The following VRK1 variants were observed in gnomAD, a reference collection of about 807,000 sequenced individuals.
VRK1 encodes serine/threonine-protein kinase VRK1.
A neutral mutation model predicts 57.1 loss-of-function variants in VRK1; 33 were observed. The observed-to-expected ratio is 0.58, with a 90% CI of 0.44 to 0.77. The LOEUF (loss-of-function observed/expected upper bound fraction) is 0.77, where lower values mean the gene tolerates loss of function less well. Among genes scored for constraint, VRK1 ranks in the 30% least tolerant of loss-of-function variants. VRK1 has a pLI of 0.00. For missense variants in VRK1, 413 were observed against 477.3 expected, an observed-to-expected ratio of 0.87 and a Z score of 1.25; for synonymous variants, 137 against 147.8, an observed-to-expected ratio of 0.93 and a Z score of 0.53.
chr14:96,872,106 C>G (rs529051016), intron 11 of VRK1, among the ~76,000 whole-genome samples: 46 of 152,268 alleles, frequency 3.0e-4, no homozygotes, highest in African/African-American at 1.1e-3. Context: ...CGCCGGGCCT[C>G]TAGCAGGATA....
Position 96,821,637 on chromosome 14 carries a change from A to G in VRK1, c.-5-11830A>G, listed in dbSNP as rs542514606. ...TTTCTGCCTTGCCCCCTTACAGTCT[A>G]TTCTTGATGCGTCAACCAGAGTGAT... On this transcript the variant is annotated intron_variant, in intron 1 of 12. Transcript: ENST00000216639. Among the ~76,000 whole-genome samples, 5 of 152,292 alleles carry G rather than the reference A, an allele frequency of 3.3e-5. No individual in the cohort carries two copies. In the East Asian group the frequency reaches 9.6e-4, roughly 29 times the overall value.
intron 12 of VRK1, among the ~76,000 whole-genome samples, chr14:96,879,935 A>AT (rs1044577113): frequency 4.0e-5 from 6 of 151,834 alleles, no homozygotes; most frequent in East Asian, 3.9e-4. Context: ...TCAAAAAAAA[A>AT]AATAATAATA....
intron 5 of VRK1, among the ~76,000 whole-genome samples, chr14:96,852,540 C>A (rs971382452): frequency 6.6e-6 from 1 of 151,930 alleles, no homozygotes; most frequent in Admixed American, 6.6e-5. Context: ...TTATTTTTAC[C>A]GTGAATAAAC....
At position 96,853,111 on chromosome 14, in the gene VRK1, T is replaced by C; in HGVS notation, c.521T>C (p.Val174Ala). ...GAATATATTCACGAGCATGAGTATG[T>C]GCATGGAGATATCAAGGCCTCAAAT... is the stretch of plus-strand genomic sequence containing the variant. Reference protein sequence around the residue: ...ILEYIHEHEYVHGDIKASNLL... With the variant: ...ILEYIHEHEYAHGDIKASNLL... Residue 174 changes from valine (V) to alanine (A), a missense_variant, in exon 7 of 13, where the codon GTG becomes GCG. Transcript: ENST00000216639. The C allele has an allele frequency of 6.2e-7, 1 of 1,613,880 alleles. No homozygotes were observed. The highest frequency in any genetic ancestry group is 1.1e-5 in the South Asian group (1 of 91,084).
At chr14:96,860,967 G>A (rs1332209435) in intron 11 of VRK1, 1 of 355,120 alleles carries the variant, frequency 2.8e-6, no homozygotes, top group East Asian at 5.2e-5. Context: ...TTTTAACTTG[G>A]AATACTGATA....
At chr14:96,802,003 A>G (rs902029542) in intron 1 of VRK1, among the ~76,000 whole-genome samples, 3 of 152,190 alleles carry the variant, frequency 2.0e-5, no homozygotes, top group African/African-American at 7.2e-5. Context: ...CTTAGAGGTA[A>G]TCTGTTATTT....
At chr14:96,865,197 T>C (rs1226217163) in intron 11 of VRK1, among the ~76,000 whole-genome samples, 1 of 152,216 alleles carries the variant, frequency 6.6e-6, no homozygotes, top group Non-Finnish European at 1.5e-5. Context: ...ATCTTATCCA[T>C]CACATTTAAG....
intron 11 of VRK1, among the ~76,000 whole-genome samples, chr14:96,861,524 T>A (rs1888388721): frequency 6.6e-6 from 1 of 152,202 alleles, no homozygotes; most frequent in Non-Finnish European, 1.5e-5. Flanking sequence ...TCATTAACTT[T>A]GCAAATTCTA....
chr14:96,872,768 CA>C (rs1888873956), intron 11 of VRK1, among the ~76,000 whole-genome samples: 1 of 152,136 alleles, frequency 6.6e-6, no homozygotes, highest in Non-Finnish European at 1.5e-5. Flanking sequence ...AATATTGTGG[CA>C]TAATAACATG....
At chr14:96,878,022 A>G (rs1889111839) in intron 12 of VRK1, among the ~76,000 whole-genome samples, 1 of 152,182 alleles carries the variant, frequency 6.6e-6, no homozygotes, top group African/African-American at 2.4e-5. Context: ...ACTTTTTCAG[A>G]AGATAAAGAA....
rs548906192 is a variant in VRK1, at chr14:96,853,756, G to A, written c.576+590G>A. The stretch of plus-strand genomic sequence containing the variant: ...TTTAGGTCAGTTTAGTTGAAGTAGA[G>A]GGATCTATACAATTTTCCTGTATAA... On this transcript the variant is annotated intron_variant, in intron 7 of 12. Transcript: ENST00000216639. 1.1e-4 allele frequency among the ~76,000 whole-genome samples: 17 copies of A among 152,078 alleles called. No homozygotes were observed. The South Asian group carries it at 2.9e-3, about 26-fold the overall frequency.
intron 2 of VRK1, among the ~76,000 whole-genome samples, chr14:96,837,080 G>A (rs1217111342): frequency 6.6e-6 from 1 of 152,150 alleles, no homozygotes; most frequent in Non-Finnish European, 1.5e-5. Flanking sequence ...CTTTGTAAGA[G>A]TAAGGATTTT....
At chr14:96,815,244 A>G (rs1210490054) in intron 1 of VRK1, among the ~76,000 whole-genome samples, 1 of 152,190 alleles carries the variant, frequency 6.6e-6, no homozygotes, top group Admixed American at 6.5e-5. Context: ...AGCTGAGTCT[A>G]TTTGTTATTG....
At chr14:96,826,385 T>C (rs1886801399) in intron 1 of VRK1, among the ~76,000 whole-genome samples, 1 of 152,224 alleles carries the variant, frequency 6.6e-6, no homozygotes, top group Non-Finnish European at 1.5e-5. Flanking sequence ...TTGGTGAATA[T>C]GCTAATATGG....
chr14:96,833,912 A>T (rs931826384), intron 2 of VRK1, among the ~76,000 whole-genome samples: 1 of 152,224 alleles, frequency 6.6e-6, no homozygotes, highest in African/African-American at 2.4e-5. Flanking sequence ...TTTGAGACCC[A>T]AAGAAACCCA....
At chr14:96,864,527 G>A (rs796996420) in intron 11 of VRK1, among the ~76,000 whole-genome samples, 5 of 152,178 alleles carry the variant, frequency 3.3e-5, no homozygotes, top group African/African-American at 1.2e-4. Flanking sequence ...CATTCAAATT[G>A]TTCCAGTTTC....
At position 96,847,287 on chromosome 14, in the gene VRK1, A is replaced by C. The variant is rs1340130152; in HGVS notation, c.317A>C (p.Lys106Thr). The C allele has an allele frequency of 6.2e-7, 1 of 1,613,782 alleles. No individual in the cohort carries two copies. Among genetic ancestry groups the C allele is most frequent in the Admixed American group, 1.7e-5 (1 of 60,006 alleles). ...IQKWIRTRKL[K>T]YLGVPKYWGS... ...AAATGGATTCGTACCCGTAAGCTGA[A>C]GTACCTGGGTGTTCCTAAGTATTGG... Residue 106 changes from lysine (K) to threonine (T), a missense_variant, in exon 5 of 13, where the codon AAG (lysine) becomes ACG (threonine). By Grantham distance (78) the Lys-to-Thr change is moderately conservative. This residue lies in a region of VRK1 where 151 missense variants were observed against 225.5 expected (regional missense o/e 0.67). Transcript: ENST00000216639.
In VRK1 at chr14:96,797,417, T is replaced by C. The variant is rs1204001392; in HGVS notation, c.-36T>C. The C allele has an allele frequency of 6.6e-6, 1 of 152,028 alleles. No homozygotes were observed. Among genetic ancestry groups the C allele is most frequent in the East Asian group, 1.9e-4 (1 of 5,176 alleles). The allele number at this position is 152,028 out of a possible 1,614,324, so 9.4% of individuals were successfully genotyped here. A position where few individuals can be genotyped will look rare whatever the true frequency, so the allele number is the denominator to read the frequency against. On this transcript the variant is annotated 5_prime_UTR_variant, in exon 1 of 13. Coordinates refer to ENST00000216639, the MANE Select transcript of VRK1 (RefSeq NM_003384.3). ...GGCGAAAGCGGCGGGAAGTTCGTAC[T>C]GGGCAGAACGCGACGGGTCTGCGGC...
At chr14:96,837,715 T>C (rs751614978) in intron 2 of VRK1, 47 bp from the exon 3 acceptor site, 12 of 1,215,468 alleles carry the variant, frequency 9.9e-6, no homozygotes, top group Non-Finnish European at 1.3e-5. Flanking sequence ...TTAATATATT[T>C]ATAATATTAC....
Sources: gnomAD v4.1 joint callset for allele counts (sites outside exome capture counted in the v4.1 genomes callset) on GRCh38, gnomAD v4.1.1 for gene constraint, gnomAD v4.1.1 regional missense constraint, MANE v1.5 for transcripts, NCBI Gene and HGNC (gene_info 2026-07-23, HGNC 2026-07-21) for gene names.